The following NUP210L variants were observed in gnomAD, a reference collection of about 807,000 sequenced individuals.
NUP210L encodes the protein nucleoporin 210 like.
Under a neutral mutation model 208.5 loss-of-function variants are expected in NUP210L, and 74 were observed. That is an observed-to-expected ratio of 0.35 (90% confidence interval 0.29 to 0.43). The LOEUF (loss-of-function observed/expected upper bound fraction) is 0.43, where lower values mean the gene tolerates loss of function less well. Ranked by LOEUF, NUP210L falls within the 20% of genes least tolerant of loss-of-function variation. NUP210L has a pLI of 1.00. For missense variants in NUP210L, 1,843 were observed against 2,289.4 expected, an observed-to-expected ratio of 0.81 and a Z score of 3.98; for synonymous variants, 780 against 816.9, an observed-to-expected ratio of 0.95 and a Z score of 0.77.
At chr1:154,048,925 C>A (rs894829365) in intron 25 of NUP210L, among the ~76,000 whole-genome samples, 2 of 152,066 alleles carry the variant, frequency 1.3e-5, no homozygotes, top group African/African-American at 2.4e-5. Flanking sequence ...CCTGATTGTG[C>A]TGTATGTGGA....
intron 28 of NUP210L, among the ~76,000 whole-genome samples, chr1:154,028,357 C>T (rs953503965): frequency 1.3e-5 from 2 of 152,132 alleles, no homozygotes; most frequent in African/African-American, 2.4e-5. Flanking sequence ...GAGACCAAGA[C>T]GGGCAGATTA....
At chr1:154,125,024 G>A (rs1293561553) in intron 10 of NUP210L, among the ~76,000 whole-genome samples, 1 of 151,864 alleles carries the variant, frequency 6.6e-6, no homozygotes. Flanking sequence ...ATACATCATG[G>A]CTGGGTGTAG....
chr1:154,128,934 T>C (rs1571308326), intron 8 of NUP210L, among the ~76,000 whole-genome samples: 1 of 152,196 alleles, frequency 6.6e-6, no homozygotes, highest in African/African-American at 2.4e-5. Flanking sequence ...TTCAGCTCAT[T>C]CCTAATGTGT....
intron 37 of NUP210L, among the ~76,000 whole-genome samples, chr1:154,000,604 C>T (rs1420352101): frequency 3.9e-5 from 6 of 152,146 alleles, no homozygotes; most frequent in African/African-American, 7.2e-5. Context: ...ATAGTGTATA[C>T]GGTGTGAACA....
intron 32 of NUP210L, among the ~76,000 whole-genome samples, chr1:154,019,952 AAGAG>A (rs1331932650): frequency 6.6e-6 from 1 of 152,150 alleles, no homozygotes; most frequent in African/African-American, 2.4e-5. Flanking sequence ...CAAACAAAAA[AAGAG>A]AGGGTAAAAA....
chr1:154,036,571 G>A (rs184488775), intron 27 of NUP210L, among the ~76,000 whole-genome samples: 235 of 151,114 alleles, frequency 1.6e-3, no homozygotes, highest in Non-Finnish European at 2.7e-3. Context: ...CACCATGTTG[G>A]CCAAGCTGGT....
chr1:154,114,777 A>AT (rs761569828), intron 12 of NUP210L, among the ~76,000 whole-genome samples: 949 of 61,720 alleles, frequency 0.015, 34 homozygotes, highest in Admixed American at 0.087. Flanking sequence ...TTTTTAAGAG[A>AT]TGGGGGGGGG....
intron 16 of NUP210L, among the ~76,000 whole-genome samples, chr1:154,071,734 C>A (rs1654743542): frequency 7.0e-6 from 1 of 143,334 alleles, no homozygotes. Context: ...CTCCTGGGTT[C>A]AAGCGATTCC....
At chr1:154,154,942 G>A in exon 1 of NUP210L, 1 of 1,614,220 alleles carries the variant, frequency 6.2e-7, no homozygotes, top group Non-Finnish European at 8.5e-7. Context: ...TTGTTGGCCA[G>A]GGTCCCACGC....
At chr1:154,086,693 T>C (rs955173488) in intron 16 of NUP210L, among the ~76,000 whole-genome samples, 3 of 151,712 alleles carry the variant, frequency 2.0e-5, no homozygotes, top group African/African-American at 7.3e-5. Context: ...GTGACTGTAG[T>C]CCCAGCCACT....
chr1:154,075,223 T>C (rs992366171), intron 16 of NUP210L, among the ~76,000 whole-genome samples: 1 of 152,202 alleles, frequency 6.6e-6, no homozygotes, highest in Non-Finnish European at 1.5e-5. Flanking sequence ...ACAGAGCTTG[T>C]AAATAAAATT....
chr1:154,021,871 C>T (rs958050186), intron 32 of NUP210L, among the ~76,000 whole-genome samples: 3 of 152,054 alleles, frequency 2.0e-5, no homozygotes, highest in Admixed American at 2.0e-4. Context: ...TAATAAAATA[C>T]TCAAAATTAT....
At chr1:154,120,938 A>G (rs916013206) in intron 10 of NUP210L, among the ~76,000 whole-genome samples, 1 of 151,932 alleles carries the variant, frequency 6.6e-6, no homozygotes, top group African/African-American at 2.4e-5. Flanking sequence ...TTAAATTTAT[A>G]AATATGTACT....
At chr1:154,060,995 C>A (rs200466409) in exon 19 of NUP210L, 7 of 1,613,872 alleles carry the variant, frequency 4.3e-6, no homozygotes, top group Non-Finnish European at 5.9e-6. Flanking sequence ...ACAGTTACAT[C>A]ATCTACCAGG....
intron 10 of NUP210L, among the ~76,000 whole-genome samples, chr1:154,126,015 G>A (rs973759208): frequency 1.5e-4 from 23 of 151,594 alleles, no homozygotes; most frequent in Non-Finnish European, 2.4e-4. Flanking sequence ...TGATCCGCCC[G>A]CCTCGGCCTC....
intron 27 of NUP210L, among the ~76,000 whole-genome samples, chr1:154,034,135 T>C (rs1470801354): frequency 2.0e-5 from 3 of 152,118 alleles, no homozygotes; most frequent in Non-Finnish European, 2.9e-5. Context: ...TCTTAGCCTT[T>C]AGTTTTCTTT....
At chr1:153,998,751 G>A (rs945188012) in intron 37 of NUP210L, among the ~76,000 whole-genome samples, 9 of 126,804 alleles carry the variant, frequency 7.1e-5, no homozygotes, top group Admixed American at 1.9e-4. Flanking sequence ...ACAGGGTCTC[G>A]TTTTGTCACC....
At position 154,061,575 on chromosome 1, in the gene NUP210L, T is replaced by A; in HGVS notation, c.2643+11A>T. 1.4e-6 allele frequency: 2 copies of A among 1,440,760 alleles called. No individual in the cohort carries two copies. The highest frequency in any genetic ancestry group is 1.9e-6 in the Non-Finnish European group (2 of 1,033,332). 89.2% of individuals were successfully genotyped at this position (1,440,760 alleles called of 1,614,324 possible). ...TTAATTTATATTTCTTACATTATAA[T>A]CTCCACTCACTTTTGGGCTTTTCTT... On this transcript the variant is annotated intron_variant, in intron 18 of 39. Coordinates refer to ENST00000368559, the Ensembl canonical transcript of NUP210L.
chr1:154,018,290 C>A (rs542616073), intron 33 of NUP210L, among the ~76,000 whole-genome samples: 1 of 151,976 alleles, frequency 6.6e-6, no homozygotes, highest in Non-Finnish European at 1.5e-5. Flanking sequence ...ATTTTACATT[C>A]ATTCTTTGGT....
Sources: gnomAD v4.1 joint callset for allele counts (sites outside exome capture counted in the v4.1 genomes callset) on GRCh38, gnomAD v4.1.1 for gene constraint, MANE v1.5 for transcripts, NCBI Gene and HGNC (gene_info 2026-07-23, HGNC 2026-07-21) for gene names.